GLE1: variants seen among roughly 807,000 people sequenced by gnomAD.
GLE1 encodes the protein GLE1 RNA export mediator, also known as mRNA export factor GLE1.
Under a neutral mutation model 97.3 loss-of-function variants are expected in GLE1, and 78 were observed. That is an observed-to-expected ratio of 0.80 (90% CI 0.67 to 0.97). GLE1 has a LOEUF of 0.97. Among genes scored for constraint, GLE1 ranks in the 50% least tolerant of loss-of-function variants. The pLI is 0.00. For missense variants in GLE1, 753 were observed against 857.5 expected, an observed-to-expected ratio of 0.88 and a Z score of 1.52; for synonymous variants, 302 against 313.4, an observed-to-expected ratio of 0.96 and a Z score of 0.39.
rs1463278737 is a variant in GLE1, at chr9:128,527,282, G to C, written c.1233G>C (p.Lys411Asn). The C allele has an allele frequency of 1.3e-6, 2 of 1,580,686 alleles. No homozygotes were observed. Among genetic ancestry groups the C allele is most frequent in the South Asian group, 2.2e-5 (2 of 90,420 alleles). The part of the protein sequence containing the change: ...VLTFEGLTNS[K>N]DSQAKKIKMD... ...CCTTTGAGGGCCTGACCAACAGCAA[G>C]GACAGTCAGGTAGGGGAGAGGTATA... Residue 411 changes from lysine (K) to asparagine (N), a missense_variant, in exon 8 of 16, where the codon AAG becomes AAC. Lys to Asn is a moderately conservative substitution (Grantham distance 94, BLOSUM62 0). Transcript: ENST00000309971.
In GLE1 at chr9:128,527,518, C is replaced by T. The variant is rs2132474322; in HGVS notation, c.1305C>T (p.Thr435=). The stretch of plus-strand genomic sequence containing the variant: ...CCATCCCAGTGAGCCAAATCTCTAC[C>T]ATTGCAGGTTGGTCAGAGGGGTTGA... The part of the protein sequence containing the change: ...AATIPVSQIS[T]IAGSKLKEIF... Residue 435 remains threonine (T), a synonymous_variant, in exon 9 of 16, where the codon ACC becomes ACT. Transcript: ENST00000309971. 1.2e-6 allele frequency: 2 copies of T among 1,605,850 alleles called. No homozygotes were observed. Among genetic ancestry groups the T allele is most frequent in the South Asian group, 2.2e-5 (2 of 90,916 alleles).
chr9:128,509,114 CT>C lies in GLE1; in HGVS notation c.321+19del. The C allele has an allele frequency of 6.8e-7, 1 of 1,469,106 alleles. No homozygotes were observed. The highest frequency in any genetic ancestry group is 9.5e-7 in the Non-Finnish European group (1 of 1,047,816). The allele number at this position is 1,469,106 out of a possible 1,614,324, so 91.0% of individuals were successfully genotyped here. On this transcript the variant is annotated intron_variant, in intron 2 of 15. Coordinates refer to ENST00000309971, the MANE Select transcript of GLE1 (RefSeq NM_001003722.2). ...GGAACCAAGGTAAGGTTGTGATCAG[CT>C]TAAGACAAAAGACATGGTGGCTGCA...
At chr9:128,506,986 TATATC>T (rs1395928109) in intron 1 of GLE1, among the ~76,000 whole-genome samples, 4 of 152,216 alleles carry the variant, frequency 2.6e-5, no homozygotes, top group African/African-American at 7.2e-5. Flanking sequence ...ATTTATTTAT[TATATC>T]ATAGGTAATC....
chr9:128,519,330 C>A (rs1041393205), intron 3 of GLE1, among the ~76,000 whole-genome samples: 1 of 152,202 alleles, frequency 6.6e-6, no homozygotes, highest in African/African-American at 2.4e-5. Flanking sequence ...AGCCATATTT[C>A]TCTTCTTTCA....
intron 13 of GLE1, 22 bp downstream of exon 13, chr9:128,538,112 C>A (rs1252559570): frequency 7.8e-7 from 1 of 1,277,598 alleles, no homozygotes; most frequent in Non-Finnish European, 1.1e-6. Context: ...AGTTATCACA[C>A]AAGAGAAGGC....
At chr9:128,532,037 C>T (rs12339729) in intron 9 of GLE1, among the ~76,000 whole-genome samples, 70 of 142,018 alleles carry the variant, frequency 4.9e-4, no homozygotes, top group East Asian at 8.1e-4. Context: ...ACATGGTTGG[C>T]TTTTTTTTTT....
At chr9:128,508,754 A>G (rs1395675487) in intron 1 of GLE1, 122 bp from the exon 2 acceptor site, 3 of 714,676 alleles carry the variant, frequency 4.2e-6, no homozygotes, top group Non-Finnish European at 7.7e-6. Flanking sequence ...TTGTTAATAC[A>G]TTACTTTGGG....
At chr9:128,532,348 C>G (rs1406327433) in intron 9 of GLE1, among the ~76,000 whole-genome samples, 1 of 150,756 alleles carries the variant, frequency 6.6e-6, no homozygotes, top group Admixed American at 6.6e-5. Flanking sequence ...CCTCAGCCTC[C>G]CCGAGTAGCT....
Position 128,508,919 on chromosome 9 carries a change from A to C in GLE1, c.143A>C (p.Tyr48Ser), listed in dbSNP as rs1366006545. The change falls in exon 2 of 16, where the codon TAT becomes TCT. Residue 48 changes from tyrosine to serine, a missense_variant. Tyr to Ser is a moderately radical substitution (Grantham distance 144). Transcript: ENST00000309971. ...ATGTCTCTTCCCAAGCTATCTTCTTATTCTGGATGGGTGGTAGAGCACGTC... is the reference window on the plus strand; with the variant it reads ...ATGTCTCTTCCCAAGCTATCTTCTTCTTCTGGATGGGTGGTAGAGCACGTC... ...ECMSLPKLSS[Y>S]SGWVVEHVLP... The C allele has an allele frequency of 6.2e-7, 1 of 1,611,452 alleles. No individual in the cohort carries two copies. Among genetic ancestry groups the C allele is most frequent in the Non-Finnish European group, 8.5e-7 (1 of 1,177,572 alleles).
At chr9:128,528,256 G>T (rs1309718274) in intron 9 of GLE1, among the ~76,000 whole-genome samples, 1 of 150,016 alleles carries the variant, frequency 6.7e-6, no homozygotes, top group African/African-American at 2.5e-5. Flanking sequence ...CACCTGCCTC[G>T]GCCTCCCAAA....
intron 1 of GLE1, among the ~76,000 whole-genome samples, chr9:128,508,347 G>T (rs1380466162): frequency 2.0e-5 from 3 of 152,146 alleles, no homozygotes; most frequent in Non-Finnish European, 4.4e-5. Flanking sequence ...TCAGGCTACA[G>T]TGAGCCATGA....
chr9:128,534,329 A>G (rs934277287), intron 11 of GLE1, among the ~76,000 whole-genome samples: 6 of 152,218 alleles, frequency 3.9e-5, no homozygotes, highest in African/African-American at 1.4e-4. Context: ...AGATCGCACC[A>G]GTATACTCCA....
intron 2 of GLE1, among the ~76,000 whole-genome samples, chr9:128,511,786 A>T (rs181111690): frequency 6.6e-6 from 1 of 152,160 alleles, no homozygotes; most frequent in Admixed American, 6.6e-5. Context: ...AAACATAACC[A>T]GAATCTAGGG....
In GLE1 at chr9:128,508,966, C is replaced by A; in HGVS notation, c.190C>A (p.Gln64Lys). ...EHVLPHMQEN[Q>K]PLSETSPSST... ...CGTCCTACCCCATATGCAGGAGAACCAACCTCTGTCTGAGACTTCGCCATC... is the reference window on the plus strand; with the variant it reads ...CGTCCTACCCCATATGCAGGAGAACAAACCTCTGTCTGAGACTTCGCCATC... The change falls in exon 2 of 16, where the codon CAA (glutamine) becomes AAA (lysine). Residue 64 changes from glutamine (Q) to lysine (K), a missense_variant. Transcript: ENST00000309971. 1 of 1,611,046 alleles carries A rather than the reference C, an allele frequency of 6.2e-7. No homozygotes were observed. The highest frequency in any genetic ancestry group is 8.5e-7 in the Non-Finnish European group (1 of 1,177,228).
chr9:128,510,993 A>G (rs1385840865), intron 2 of GLE1, among the ~76,000 whole-genome samples: 1 of 150,812 alleles, frequency 6.6e-6, no homozygotes, highest in Non-Finnish European at 1.5e-5. Context: ...GGATCACTTG[A>G]GATCAGTAGT....
At chr9:128,536,706 C>T (rs1254471265) in intron 12 of GLE1, 2 of 488,838 alleles carry the variant, frequency 4.1e-6, no homozygotes, top group Non-Finnish European at 7.5e-6. Flanking sequence ...ACAGAGTCTA[C>T]CAGAGGAGAG....
rs74932715 is a variant in GLE1, at chr9:128,538,260, T to C, written c.1881+170T>C. On this transcript the variant is annotated intron_variant, in intron 13 of 15. Coordinates refer to ENST00000309971, the MANE Select transcript of GLE1 (RefSeq NM_001003722.2). ...CTGTAGACCAACCTTGCTTTCACTT[T>C]TACTCCATACTATATTTACTTGGCT... Among the ~76,000 whole-genome samples, 3,409 of 152,332 alleles carry C rather than the reference T, an allele frequency of 0.022. 66 individuals are homozygous for C. The highest frequency in any genetic ancestry group is 0.034 in the Middle Eastern group (10 of 294).
intron 3 of GLE1, among the ~76,000 whole-genome samples, chr9:128,518,027 A>T (rs1847035577): frequency 6.6e-6 from 1 of 152,182 alleles, no homozygotes; most frequent in Non-Finnish European, 1.5e-5. Flanking sequence ...GAATAATCAG[A>T]AACAAGGTTA....
chr9:128,523,911 T>C, intron 6 of GLE1, 65 bp downstream of exon 6: 1 of 1,538,546 alleles, frequency 6.5e-7, no homozygotes, highest in Non-Finnish European at 9.0e-7. Flanking sequence ...AGCAAAACTG[T>C]TTTCTGACTT....
Sources: allele counts gnomAD v4.1 joint callset (sites outside exome capture counted in the v4.1 genomes callset), GRCh38; gene constraint gnomAD v4.1.1; transcripts MANE v1.5; gene names NCBI Gene and HGNC (gene_info 2026-07-23, HGNC 2026-07-21).